The following TRPM3 variants were observed in gnomAD, a reference collection of about 807,000 sequenced individuals.
TRPM3 encodes the protein transient receptor potential cation channel subfamily M member 3.
Under a neutral mutation model 181.2 loss-of-function variants are expected in TRPM3, and 77 were observed. The observed-to-expected ratio is 0.42, with a 90% CI of 0.35 to 0.51. The LOEUF (loss-of-function observed/expected upper bound fraction) is 0.51, where lower values mean the gene tolerates loss of function less well. Ranked by LOEUF, TRPM3 falls within the 20% of genes least tolerant of loss-of-function variation. TRPM3 has a pLI of 0.01. For synonymous variants in TRPM3, 745 were observed against 796.4 expected (o/e 0.94, Z 1.09); for missense variants, 1,759 against 2,196.7 (o/e 0.80, Z 3.98).
chr9:70,752,341 G>A (rs893916497), intron 8 of TRPM3, among the ~76,000 whole-genome samples: 1 of 152,042 alleles, frequency 6.6e-6, no homozygotes, highest in African/African-American at 2.4e-5. Context: ...AATAAATGAC[G>A]CAAGGTCAGC....
At chr9:71,220,356 T>TTTTTTA (rs376042167) in intron 1 of TRPM3, among the ~76,000 whole-genome samples, 14 of 145,928 alleles carry the variant, frequency 9.6e-5, no homozygotes, top group African/African-American at 3.2e-4. Flanking sequence ...AAAAGTCTGA[T>TTTTTTA]TTATTATTAT....
At chr9:70,917,462 C>T (rs564818514) in intron 1 of TRPM3, 24 of 750,164 alleles carry the variant, frequency 3.2e-5, no homozygotes, top group African/African-American at 1.4e-4. Context: ...CAAGGCCACC[C>T]GCACTGTCAC....
intron 8 of TRPM3, among the ~76,000 whole-genome samples, chr9:70,693,182 G>T (rs184967558): frequency 6.6e-6 from 1 of 152,176 alleles, no homozygotes; most frequent in Non-Finnish European, 1.5e-5. Flanking sequence ...TCCTTTTCCT[G>T]GCAATTGATG....
At chr9:70,875,947 CAA>C (rs1199983884) in intron 1 of TRPM3, among the ~76,000 whole-genome samples, 4 of 151,714 alleles carry the variant, frequency 2.6e-5, no homozygotes, top group Non-Finnish European at 2.9e-5. Context: ...ATTTTTCTGT[CAA>C]ATTACTAAAT....
At chr9:71,226,567 A>G (rs1354540779) in intron 1 of TRPM3, among the ~76,000 whole-genome samples, 2 of 152,200 alleles carry the variant, frequency 1.3e-5, no homozygotes, top group African/African-American at 2.4e-5. Flanking sequence ...GTCAAAAACT[A>G]TAAAAAGAGA....
At position 71,274,986 on chromosome 9, in the gene TRPM3, C is replaced by T. The variant is rs187613640; in HGVS notation, c.183+171667G>A. ...GTCTGAGAAGAAGGTTTTGAGTTTG[C>T]AAAGAAAGGCAAAGATCCCTGCTAT... On this transcript the variant is annotated intron_variant, in intron 1 of 24. Coordinates refer to the TRPM3 transcript ENST00000357533. 1.2e-3 allele frequency among the ~76,000 whole-genome samples: 190 copies of T among 152,062 alleles called. No individual in the cohort carries two copies. In the Middle Eastern group the frequency reaches 0.02, roughly 16 times the overall value.
chr9:70,651,872 G>T (rs2059639021), intron 9 of TRPM3, among the ~76,000 whole-genome samples: 1 of 152,188 alleles, frequency 6.6e-6, no homozygotes, highest in African/African-American at 2.4e-5. Flanking sequence ...GTAGGTAGAA[G>T]AGTGTTCTGA....
At chr9:71,307,146 A>G (rs1195133693) in intron 1 of TRPM3, among the ~76,000 whole-genome samples, 1 of 152,218 alleles carries the variant, frequency 6.6e-6, no homozygotes, top group Non-Finnish European at 1.5e-5. Flanking sequence ...GTCAAAGGCC[A>G]TGAACACTTC....
chr9:71,044,475 G>A (rs671501), intron 1 of TRPM3, among the ~76,000 whole-genome samples: 43,920 of 151,988 alleles, frequency 0.29, 6,517 homozygotes, highest in East Asian at 0.41. Flanking sequence ...GCTTCCAGTC[G>A]TCTTTCACTT....
chr9:71,199,709 C>T lies in TRPM3; in HGVS notation c.183+246944G>A, dbSNP rs542482789. Among the ~76,000 whole-genome samples, 14 of 149,186 alleles carry T rather than the reference C, an allele frequency of 9.4e-5. No homozygotes were observed. The East Asian group carries it at 1.4e-3, about 15-fold the overall frequency. On this transcript the variant is annotated intron_variant, in intron 1 of 24. Coordinates refer to the TRPM3 transcript ENST00000357533. ...ATGGTAGTTTGTATTTCTGTGGGATCGGTGGTGATATCCCCTTTATCATTT... is the reference window on the plus strand; with the variant it reads ...ATGGTAGTTTGTATTTCTGTGGGATTGGTGGTGATATCCCCTTTATCATTT...
chr9:71,411,634 G>T (rs747624262), intron 1 of TRPM3, among the ~76,000 whole-genome samples: 1 of 152,164 alleles, frequency 6.6e-6, no homozygotes, highest in Admixed American at 6.5e-5. Flanking sequence ...CATGCTCATG[G>T]ATAGGAAGAA....
chr9:70,751,281 G>A (rs2135072505), intron 8 of TRPM3, among the ~76,000 whole-genome samples: 1 of 152,094 alleles, frequency 6.6e-6, no homozygotes, highest in African/African-American at 2.4e-5. Flanking sequence ...TGATGTAAGT[G>A]GATTAATATC....
intron 1 of TRPM3, among the ~76,000 whole-genome samples, chr9:70,936,859 AT>A (rs2096833242): frequency 6.6e-6 from 1 of 152,114 alleles, no homozygotes; most frequent in Admixed American, 6.6e-5. Flanking sequence ...TTTAAATAAC[AT>A]TTCTCTGCTG....
chr9:71,332,058 T>G (rs908154943), intron 1 of TRPM3, among the ~76,000 whole-genome samples: 4 of 150,712 alleles, frequency 2.7e-5, no homozygotes, highest in African/African-American at 7.3e-5. Context: ...CACAGTATGG[T>G]TAAGGAATAG....
chr9:71,217,453 G>A (rs921268301), intron 1 of TRPM3, among the ~76,000 whole-genome samples: 2 of 152,198 alleles, frequency 1.3e-5, no homozygotes, highest in African/African-American at 2.4e-5. Flanking sequence ...TAAAGTCAAC[G>A]GCTAAGCATA....
intron 8 of TRPM3, among the ~76,000 whole-genome samples, chr9:70,685,321 A>G (rs1456202166): frequency 2.5e-4 from 38 of 152,046 alleles, no homozygotes; most frequent in Non-Finnish European, 4.4e-5. Context: ...TTATATGGCA[A>G]TGTTTTCATT....
chr9:70,700,654 T>C (rs1029579199), intron 8 of TRPM3, among the ~76,000 whole-genome samples: 8 of 152,228 alleles, frequency 5.3e-5, no homozygotes, highest in Non-Finnish European at 1.0e-4. Context: ...TTTTAGACGA[T>C]AACTGCCATA....
intron 1 of TRPM3, among the ~76,000 whole-genome samples, chr9:71,026,730 T>C (rs996350324): frequency 1.3e-5 from 2 of 152,114 alleles, no homozygotes; most frequent in Non-Finnish European, 2.9e-5. Flanking sequence ...AAGAAAACAG[T>C]GGACTCCCCT....
At chr9:70,658,744 CAG>C (rs1363589275) in intron 9 of TRPM3, among the ~76,000 whole-genome samples, 6 of 152,076 alleles carry the variant, frequency 3.9e-5, no homozygotes, top group Non-Finnish European at 8.8e-5. Context: ...AAAACTCTAA[CAG>C]GTGCTTCTGA....
Sources: gnomAD v4.1 joint callset for allele counts (sites outside exome capture counted in the v4.1 genomes callset) on GRCh38, gnomAD v4.1.1 for gene constraint, MANE v1.5 for transcripts, NCBI Gene and HGNC (gene_info 2026-07-23, HGNC 2026-07-21) for gene names.